The following PODXL variants were observed in gnomAD, a reference collection of about 807,000 sequenced individuals.
PODXL encodes the protein podocalyxin.
Under a neutral mutation model 48.9 loss-of-function variants are expected in PODXL, and 20 were observed. That is an observed-to-expected ratio of 0.41 (90% CI 0.29 to 0.59). The LOEUF (loss-of-function observed/expected upper bound fraction) is 0.59, where lower values mean the gene tolerates loss of function less well. Ranked by LOEUF, PODXL falls within the 20% of genes least tolerant of loss-of-function variation. PODXL has a pLI of 0.31. For synonymous variants in PODXL, 295 were observed against 287.4 expected, an observed-to-expected ratio of 1.03 and a Z score of -0.27; for missense variants, 606 against 675.1, an observed-to-expected ratio of 0.90 and a Z score of 1.13.
At chr7:131,532,909 C>T (rs866333707) in intron 1 of PODXL, among the ~76,000 whole-genome samples, 3 of 152,146 alleles carry the variant, frequency 2.0e-5, no homozygotes, top group Admixed American at 6.5e-5. Context: ...GAAACGCCCT[C>T]GCCAGAACCT....
chr7:131,519,659 T>A, intron 1 of PODXL, among the ~76,000 whole-genome samples: 1 of 152,244 alleles, frequency 6.6e-6, no homozygotes, highest in East Asian at 1.9e-4. Flanking sequence ...ATAGTAATAG[T>A]TATTTAAAGC....
At chr7:131,550,204 C>T (rs1798647478) in intron 1 of PODXL, among the ~76,000 whole-genome samples, 1 of 152,256 alleles carries the variant, frequency 6.6e-6, no homozygotes, top group African/African-American at 2.4e-5. Flanking sequence ...AGGCACAATG[C>T]ATGGTGGCCA....
chr7:131,536,562 A>G (rs1278764419), intron 1 of PODXL, among the ~76,000 whole-genome samples: 1 of 152,172 alleles, frequency 6.6e-6, no homozygotes, highest in Non-Finnish European at 1.5e-5. Flanking sequence ...GCCAGCAAAA[A>G]AGGCCAGTCC....
At chr7:131,517,799 C>T (rs975443070) in intron 1 of PODXL, among the ~76,000 whole-genome samples, 3 of 151,850 alleles carry the variant, frequency 2.0e-5, no homozygotes, top group Admixed American at 6.6e-5. Context: ...AGTACAATGG[C>T]GCAATCTCCA....
At position 131,508,953 on chromosome 7, in the gene PODXL, A is replaced by G. The variant is rs779721981; in HGVS notation, c.1099T>C (p.Cys367Arg). ...GCTCAGATCAGCAAGCTACTCACAC[A>G]GAGGGTGTTTCCTGTGAGGTTCAGG... ...LVLNLTGNTL[C>R]AGGASDEKLI... The change falls in exon 5 of 9, where the codon TGT becomes CGT. Residue 367 changes from cysteine (C) to arginine (R), a missense_variant and splice_region_variant. Physicochemically the swap from Cys to Arg is radical, Grantham distance 180. Coordinates refer to ENST00000378555, the MANE Select transcript of PODXL (RefSeq NM_001018111.3). 6.2e-7 allele frequency: 1 copy of G among 1,611,008 alleles called. No homozygotes were observed. The highest frequency in any genetic ancestry group is 8.5e-7 in the Non-Finnish European group (1 of 1,177,328).
At chr7:131,521,557 A>G (rs563235754) in intron 1 of PODXL, among the ~76,000 whole-genome samples, 1 of 152,104 alleles carries the variant, frequency 6.6e-6, no homozygotes, top group East Asian at 1.9e-4. Context: ...TTGGTCTCGA[A>G]CTCCTGACCT....
chr7:131,523,231 A>T (rs550012886), intron 1 of PODXL, among the ~76,000 whole-genome samples: 288 of 152,370 alleles, frequency 1.9e-3, no homozygotes, highest in Non-Finnish European at 3.1e-3. Flanking sequence ...TAGGCACTAA[A>T]TAGTATCTCA....
rs534991623 is a variant in PODXL, at chr7:131,543,302, T to C, written c.100+12958A>G. On this transcript the variant is annotated intron_variant, in intron 1 of 8. Transcript: ENST00000378555. ...CACCATGCTTGACTAATTTTTAAAC[T>C]GTATGTAGAGATAGGGCCTCACTAT... Among the ~76,000 whole-genome samples, 63 of 152,116 alleles carry C rather than the reference T, an allele frequency of 4.1e-4. 1 individual carries two copies. The highest frequency in any genetic ancestry group is 3.4e-3 in the Middle Eastern group (1 of 294).
chr7:131,500,987 G>C lies in PODXL; in HGVS notation c.*3324C>G, dbSNP rs186713809. Reference sequence around the variant, plus strand: ...CTAGAAAAAGATTGGACTAGATCTTGAAATACCTTTCTCCATGACTACAGG... The same window carrying C: ...CTAGAAAAAGATTGGACTAGATCTTCAAATACCTTTCTCCATGACTACAGG... On this transcript the variant is annotated 3_prime_UTR_variant, in exon 9 of 9. Transcript: ENST00000378555. The C allele has an allele frequency of 2.6e-4, 40 of 152,226 alleles. No homozygotes were observed. The highest frequency in any genetic ancestry group is 2.6e-3 in the Admixed American group (40 of 15,296). The allele number at this position is 152,226 out of a possible 1,614,324, so 9.4% of individuals were successfully genotyped here. A position where few individuals can be genotyped will look rare whatever the true frequency, so the allele number is the denominator to read the frequency against.
intron 1 of PODXL, among the ~76,000 whole-genome samples, chr7:131,523,863 A>T (rs1404299507): frequency 6.6e-6 from 1 of 150,714 alleles, no homozygotes; most frequent in Non-Finnish European, 1.5e-5. Context: ...CAGTGGTGCA[A>T]TCTCGGCTCA....
intron 5 of PODXL, chr7:131,507,040 T>C: frequency 3.4e-6 from 1 of 297,934 alleles, no homozygotes; most frequent in South Asian, 5.0e-5. Flanking sequence ...TGTTTGCGGA[T>C]TGGGGGTTGT....
chr7:131,505,740 G>T, intron 8 of PODXL, 128 bp downstream of exon 8: 1 of 823,512 alleles, frequency 1.2e-6, no homozygotes, highest in Non-Finnish European at 1.9e-6. Flanking sequence ...TATCAGGGGT[G>T]GCCTCTGCCT....
chr7:131,533,863 G>A (rs1007151262), intron 1 of PODXL, among the ~76,000 whole-genome samples: 1 of 152,162 alleles, frequency 6.6e-6, no homozygotes, highest in Non-Finnish European at 1.5e-5. Flanking sequence ...CAAGAGTCTC[G>A]ACTTAACATA....
intron 1 of PODXL, among the ~76,000 whole-genome samples, chr7:131,518,688 G>A (rs1798046815): frequency 6.6e-6 from 1 of 152,184 alleles, no homozygotes; most frequent in South Asian, 2.1e-4. Context: ...GAGCTCCTTG[G>A]TAAAGCCTAT....
intron 1 of PODXL, among the ~76,000 whole-genome samples, chr7:131,526,864 G>A (rs994264987): frequency 1.4e-4 from 21 of 148,782 alleles, no homozygotes; most frequent in African/African-American, 4.7e-4. Context: ...GCCTGTATCC[G>A]AGTAGCTGGG....
intron 1 of PODXL, among the ~76,000 whole-genome samples, chr7:131,537,206 C>T (rs921162021): frequency 6.6e-6 from 1 of 150,590 alleles, no homozygotes; most frequent in Non-Finnish European, 1.5e-5. Flanking sequence ...CAGCTACTTG[C>T]AGGGCTGAGG....
rs779417887 is a variant in PODXL, at chr7:131,511,178, G to A, written c.356C>T (p.Thr119Ile). ...TTTTGTGCTCTTGGGGCTCTCGATG[G>A]TGGTAGTAGGGTTGCCTGAGCCGCC... is the stretch of plus-strand genomic sequence containing the variant. Reference protein sequence around the residue: ...RGGGSGNPTTTIESPKSTKSA... With the variant: ...RGGGSGNPTTIIESPKSTKSA... The change falls in exon 2 of 9, where the codon ACC becomes ATC. Residue 119 changes from threonine (T) to isoleucine (I), a missense_variant. Thr to Ile is a moderately conservative substitution (Grantham distance 89, BLOSUM62 -1). Coordinates refer to ENST00000378555, the MANE Select transcript of PODXL (RefSeq NM_001018111.3). The A allele has an allele frequency of 6.2e-7, 1 of 1,614,092 alleles. No individual in the cohort carries two copies. Among genetic ancestry groups the A allele is most frequent in the Non-Finnish European group, 8.5e-7 (1 of 1,180,026 alleles).
Position 131,511,089 on chromosome 7 carries a change from G to A in PODXL, c.445C>T (p.Gln149Ter). 1 of 1,613,958 alleles carries A rather than the reference G, an allele frequency of 6.2e-7. No homozygotes were observed. The highest frequency in any genetic ancestry group is 8.5e-7 in the Non-Finnish European group (1 of 1,180,014). The change falls in exon 2 of 9, where the codon CAG (glutamine) becomes TAG (stop). Residue 149 changes from glutamine to a stop codon, truncating the protein, a stop_gained. Coordinates refer to ENST00000378555, the MANE Select transcript of PODXL (RefSeq NM_001018111.3). LOFTEE classifies it high-confidence loss of function. ...TTTGTTGTATCTTCTGCTCCATTCT[G>A]GCTGCTTGTGGTGTTAGGTTTAGCT... ...ATAKPNTTSSQNGAEDTTNSG... is the reference protein window; with the variant it reads ...ATAKPNTTSS
At chr7:131,520,072 A>G in intron 1 of PODXL, 1 of 188,566 alleles carries the variant, frequency 5.3e-6, no homozygotes, top group Non-Finnish European at 1.1e-5. Context: ...ACTCAAGGAA[A>G]ACGGAAATAA....
Sources: gnomAD v4.1 joint callset for allele counts (sites outside exome capture counted in the v4.1 genomes callset) on GRCh38, gnomAD v4.1.1 for gene constraint, MANE v1.5 for transcripts, NCBI Gene and HGNC (gene_info 2026-07-23, HGNC 2026-07-21) for gene names.